Variants in TRDMT1 observed in about 807,000 individuals in gnomAD.
TRDMT1 encodes the protein tRNA aspartic acid methyltransferase 1, also known as tRNA (cytosine(38)-C(5))-methyltransferase.
A neutral mutation model predicts 51.2 loss-of-function variants in TRDMT1; 49 were observed. The observed-to-expected ratio is 0.96, with a 90% CI of 0.76 to 1.21. TRDMT1 has a LOEUF of 1.21. Among genes scored for constraint, TRDMT1 ranks in the 50% most tolerant of loss-of-function variants. TRDMT1 has a pLI of 0.00. For synonymous variants in TRDMT1, 187 were observed against 164.6 expected, an observed-to-expected ratio of 1.14 and a Z score of -1.04; for missense variants, 534 against 462.3, an observed-to-expected ratio of 1.16 and a Z score of -1.42.
chr10:17,181,976 C>G (rs1172341758), intron 1 of TRDMT1, among the ~76,000 whole-genome samples: 1 of 152,184 alleles, frequency 6.6e-6, no homozygotes, highest in African/African-American at 2.4e-5. Flanking sequence ...TCCCCTTCTC[C>G]TAGCTTCTAG....
chr10:17,147,715 G>A lies in TRDMT1; in HGVS notation c.*1325C>T, dbSNP rs1838246257. 1 of 153,624 alleles carries A rather than the reference G, an allele frequency of 6.5e-6. No homozygotes were observed. Among genetic ancestry groups the A allele is most frequent in the South Asian group, 2.1e-4 (1 of 4,850 alleles). The allele number at this position is 153,624 out of a possible 1,614,324, so 9.5% of individuals were successfully genotyped here. A position where few individuals can be genotyped will look rare whatever the true frequency, so the allele number is the denominator to read the frequency against. ...TTCCTGCATCCATTCATGGGTGAATGGGATGACACTTGGGCTGCTTCTACC... is the reference window on the plus strand; with the variant it reads ...TTCCTGCATCCATTCATGGGTGAATAGGATGACACTTGGGCTGCTTCTACC... On this transcript the variant is annotated 3_prime_UTR_variant, in exon 11 of 11. Transcript: ENST00000377799.
At chr10:17,189,418 G>T (rs76831981) in intron 1 of TRDMT1, among the ~76,000 whole-genome samples, 20,726 of 152,072 alleles carry the variant, frequency 0.14, 1,504 homozygotes, top group Admixed American at 0.17. Context: ...TAGATTCACA[G>T]CTTTTTCTTC....
intron 2 of TRDMT1, among the ~76,000 whole-genome samples, chr10:17,173,063 AT>A (rs1192634082): frequency 6.6e-6 from 1 of 152,212 alleles, no homozygotes; most frequent in Non-Finnish European, 1.5e-5. Flanking sequence ...TTAAAAAGAC[AT>A]TAGTGAAGAA....
At position 17,144,101 on chromosome 10, in the gene TRDMT1, T is replaced by C. The variant is rs1051360168; in HGVS notation, c.*4939A>G. Reference sequence around the variant, plus strand: ...GAAAAATGGCATGAAAAGTGAAGGGTAGAAAGAGACCTGAGGACGGAACCT... The same window carrying C: ...GAAAAATGGCATGAAAAGTGAAGGGCAGAAAGAGACCTGAGGACGGAACCT... On this transcript the variant is annotated 3_prime_UTR_variant, in exon 11 of 11. Transcript: ENST00000377799. The C allele has an allele frequency of 1.6e-5, 16 of 985,142 alleles. No homozygotes were observed. The highest frequency in any genetic ancestry group is 5.2e-4 in the Middle Eastern group (1 of 1,936). 61.0% of individuals were successfully genotyped at this position (985,142 alleles called of 1,614,324 possible). A position where few individuals can be genotyped will look rare whatever the true frequency, so the allele number is the denominator to read the frequency against.
rs35309958 is a variant in TRDMT1 at position 17,140,214 on chromosome 10, ATTT to A, written c.*8823_*8825del. 0.14 allele frequency among the ~76,000 whole-genome samples: 18,283 copies of A among 131,108 alleles called. 1,217 individuals carry two copies. The highest frequency in any genetic ancestry group is 0.18 in the Admixed American group (2,310 of 13,024). The allele number at this position is 131,108 out of a possible 152,430, so 86.0% of individuals were successfully genotyped here. The stretch of plus-strand genomic sequence containing the variant: ...CAGGCACATGCCACCACATCCAGCT[ATTT>A]TTTTTTTTTTTTTGTACCTTTAGTA... On this transcript the variant is annotated 3_prime_UTR_variant, in exon 11 of 11. Coordinates refer to ENST00000377799, the MANE Select transcript of TRDMT1 (RefSeq NM_004412.7).
At chr10:17,160,187 C>CAG (rs113411564) in intron 6 of TRDMT1, 118 bp downstream of exon 6, 75,951 of 555,350 alleles carry the variant, frequency 0.14, 5,680 homozygotes, top group Admixed American at 0.17. Context: ...AAACTATTTT[C>CAG]AGTTTACCTA....
Position 17,194,656 on chromosome 10 carries a change from G to C in TRDMT1, c.64+6915C>G, listed in dbSNP as rs141290948. On this transcript the variant is annotated intron_variant, in intron 1 of 10. Coordinates refer to ENST00000377799, the MANE Select transcript of TRDMT1 (RefSeq NM_004412.7). ...CGATTAAAAAGTCAATAAAAAGCTA[G>C]GCGTGATGGCTCATGCCTGTAATCC... 9.4e-3 allele frequency among the ~76,000 whole-genome samples: 1,429 copies of C among 152,252 alleles called. 27 individuals carry two copies. The highest frequency in any genetic ancestry group is 0.032 in the African/African-American group (1,335 of 41,542).
rs1838080730 is a variant in TRDMT1 at position 17,146,056 on chromosome 10, C to A, written c.*2984G>T. On this transcript the variant is annotated 3_prime_UTR_variant, in exon 11 of 11. Transcript: ENST00000377799. ...TGCCTGCACTCATCTCTAACCCCAT[C>A]CAATTTTACATCCCACATGGTAGCA... 1 of 985,442 alleles carries A rather than the reference C, an allele frequency of 1.0e-6. No homozygotes were observed. The highest frequency in any genetic ancestry group is 1.2e-6 in the Non-Finnish European group (1 of 829,932). 61.0% of individuals were successfully genotyped at this position (985,442 alleles called of 1,614,324 possible).
At chr10:17,181,851 T>C (rs907806188) in intron 1 of TRDMT1, among the ~76,000 whole-genome samples, 3 of 152,152 alleles carry the variant, frequency 2.0e-5, no homozygotes, top group Non-Finnish European at 2.9e-5. Flanking sequence ...GAGTGGACAT[T>C]TGTTTTCTGT....
rs150443169 is a variant in TRDMT1 at position 17,194,105 on chromosome 10, T to A, written c.64+7466A>T. Among the ~76,000 whole-genome samples, 25 of 152,328 alleles carry A rather than the reference T, an allele frequency of 1.6e-4. No homozygotes were observed. In the East Asian group the frequency reaches 4.6e-3, roughly 28 times the overall value. ...GTGCTAGGATAGCTGGCTAGCCATATGCAGGAGAATGAAACTAGACCCCTA... is the reference window on the plus strand; with the variant it reads ...GTGCTAGGATAGCTGGCTAGCCATAAGCAGGAGAATGAAACTAGACCCCTA... On this transcript the variant is annotated intron_variant, in intron 1 of 10. Transcript: ENST00000377799.
chr10:17,161,590 C>A (rs1370155504), intron 4 of TRDMT1, 42 bp from the exon 5 acceptor site: 5 of 1,030,794 alleles, frequency 4.9e-6, no homozygotes, highest in East Asian at 6.2e-5. Flanking sequence ...TATCTCATTA[C>A]TAAGAAGAAA....
chr10:17,142,126 T>C lies in TRDMT1; in HGVS notation c.*6914A>G, dbSNP rs1837738544. On this transcript the variant is annotated 3_prime_UTR_variant, in exon 11 of 11. Coordinates refer to ENST00000377799, the MANE Select transcript of TRDMT1 (RefSeq NM_004412.7). ...AGAGTTGCTTAAAATCCTTGTCAAGTAATTCCAACATCTGATTTGTCTCAG... is the reference window on the plus strand; with the variant it reads ...AGAGTTGCTTAAAATCCTTGTCAAGCAATTCCAACATCTGATTTGTCTCAG... The C allele has an allele frequency of 6.6e-6, 1 of 152,252 alleles. No individual in the cohort carries two copies. The highest frequency in any genetic ancestry group is 2.4e-5 in the African/African-American group (1 of 41,464). The allele number at this position is 152,252 out of a possible 1,614,324, so 9.4% of individuals were successfully genotyped here. A position where few individuals can be genotyped will look rare whatever the true frequency, so the allele number is the denominator to read the frequency against.
chr10:17,160,187 C>T (rs554989574), intron 6 of TRDMT1, 118 bp downstream of exon 6: 10 of 556,144 alleles, frequency 1.8e-5, no homozygotes, highest in African/African-American at 3.9e-5. Flanking sequence ...AAACTATTTT[C>T]AGTTTACCTA....
chr10:17,162,391 GA>G (rs1840514278), intron 3 of TRDMT1, among the ~76,000 whole-genome samples, 154 bp from the exon 4 acceptor site: 1 of 152,048 alleles, frequency 6.6e-6, no homozygotes, highest in African/African-American at 2.4e-5. Context: ...TTACAGAGAA[GA>G]AAATACATTT....
At chr10:17,191,602 A>G (rs1214532733) in intron 1 of TRDMT1, among the ~76,000 whole-genome samples, 1 of 152,082 alleles carries the variant, frequency 6.6e-6, no homozygotes, top group Admixed American at 6.6e-5. Context: ...GGATGACCAC[A>G]CCTCAGAGCT....
intron 3 of TRDMT1, among the ~76,000 whole-genome samples, chr10:17,162,946 G>T (rs976196034): frequency 6.6e-6 from 1 of 152,040 alleles, no homozygotes; most frequent in South Asian, 2.1e-4. Context: ...ACACACACAT[G>T]TGCTGGCTGA....
chr10:17,148,163 A>G lies in TRDMT1; in HGVS notation c.*877T>C. 1 of 985,438 alleles carries G rather than the reference A, an allele frequency of 1.0e-6. No homozygotes were observed. Among genetic ancestry groups the G allele is most frequent in the Non-Finnish European group, 1.2e-6 (1 of 829,948 alleles). 61.0% of individuals were successfully genotyped at this position (985,438 alleles called of 1,614,324 possible). A position where few individuals can be genotyped will look rare whatever the true frequency, so the allele number is the denominator to read the frequency against. Reference sequence around the variant, plus strand: ...AGAGAGACAGAGAAAGTTAAAAGTCATAAAAGTTCATTGAGAGTGTATGTT... The same window carrying G: ...AGAGAGACAGAGAAAGTTAAAAGTCGTAAAAGTTCATTGAGAGTGTATGTT... On this transcript the variant is annotated 3_prime_UTR_variant, in exon 11 of 11. Transcript: ENST00000377799.
Position 17,201,612 on chromosome 10 carries a change from T to A in TRDMT1, c.23A>T (p.Glu8Val), listed in dbSNP as rs1287439035. The A allele has an allele frequency of 6.5e-7, 1 of 1,546,650 alleles. No individual in the cohort carries two copies. The highest frequency in any genetic ancestry group is 8.7e-7 in the Non-Finnish European group (1 of 1,145,176). The change falls in exon 1 of 11, where the codon GAG (glutamate) becomes GTG (valine). Residue 8 changes from glutamate (E) to valine (V), a missense_variant. Transcript: ENST00000377799. ...CATGCCGCCCACGCCGCTGTATAGC[T>A]CCAGCACCCGCAGGGGCTCCATCCC... MEPLRVL[E>V]LYSGVGGMHH...
intron 10 of TRDMT1, chr10:17,152,201 T>A: frequency 2.7e-6 from 2 of 741,724 alleles, no homozygotes; most frequent in Non-Finnish European, 3.7e-6. Flanking sequence ...ATGCTGTCAC[T>A]CGTTTTGTGA....
Sources: gnomAD v4.1 joint callset for allele counts (sites outside exome capture counted in the v4.1 genomes callset) on GRCh38, gnomAD v4.1.1 for gene constraint, MANE v1.5 for transcripts, NCBI Gene and HGNC (gene_info 2026-07-23, HGNC 2026-07-21) for gene names.